The following ZNF354A variants were observed in gnomAD, a reference collection of about 807,000 sequenced individuals.
ZNF354A encodes the protein epididymis luminal protein 104.
In ZNF354A, 25 loss-of-function variants were observed where a neutral mutation model predicts 53.3. That is an observed-to-expected ratio of 0.47 (90% CI 0.34 to 0.66). ZNF354A has a LOEUF of 0.66. ZNF354A is among the 30% of genes least tolerant of loss of function. ZNF354A has a pLI of 0.01. For missense variants in ZNF354A, 586 were observed against 716.8 expected (o/e 0.82, Z 2.08); for synonymous variants, 228 against 249.0 (o/e 0.92, Z 0.79).
intron 4 of ZNF354A, among the ~76,000 whole-genome samples, chr5:178,722,965 C>G (rs568850316): frequency 4.6e-5 from 7 of 152,262 alleles, no homozygotes; most frequent in South Asian, 4.1e-4. Context: ...CAGTCCCAGA[C>G]AGAAAAAGCA....
chr5:178,713,150 TTAAA>T lies in ZNF354A; in HGVS notation c.724_727del (p.Phe242SerfsTer20). ...AAAGGCTTTTGAACATTCTTTACAC[TTAAA>T]TAGTTTCTCTCCACTATGGTTTTTC... On this transcript the variant is annotated frameshift_variant, in exon 5 of 5. Coordinates refer to ENST00000335815, the MANE Select transcript of ZNF354A (RefSeq NM_005649.3). LOFTEE classifies it high-confidence loss of function. 1.2e-6 allele frequency: 2 copies of T among 1,614,158 alleles called. No homozygotes were observed. Among genetic ancestry groups the T allele is most frequent in the Non-Finnish European group, 1.7e-6 (2 of 1,180,020 alleles).
At position 178,729,896 on chromosome 5, in the gene ZNF354A, G is replaced by A. The variant is rs1378071701; in HGVS notation, c.-52+660C>T. ...TGTTTCTTTTTTGAGACGGAGTCTCGCTCTGTCGCTCAGGCTGGAGTGCAG... is the reference window on the plus strand; with the variant it reads ...TGTTTCTTTTTTGAGACGGAGTCTCACTCTGTCGCTCAGGCTGGAGTGCAG... On this transcript the variant is annotated intron_variant, in intron 1 of 4. Coordinates refer to ENST00000335815, the MANE Select transcript of ZNF354A (RefSeq NM_005649.3). Among the ~76,000 whole-genome samples the A allele has an allele frequency of 4.1e-5, 4 of 97,430 alleles. No homozygotes were observed. The East Asian group carries it at 8.6e-4, about 21-fold the overall frequency. 63.9% of individuals were successfully genotyped at this position (97,430 alleles called of 152,430 possible).
chr5:178,712,721 T>G lies in ZNF354A; in HGVS notation c.1157A>C (p.Glu386Ala). 1 of 1,613,754 alleles carries G rather than the reference T, an allele frequency of 6.2e-7. No individual in the cohort carries two copies. The highest frequency in any genetic ancestry group is 8.5e-7 in the Non-Finnish European group (1 of 1,179,668). ...ACTCTGGCTGAAGGCTCTCCCACAT[T>G]CACTACATTTAAAAGGCTTCTCTCC... ...HTGEKPFKCS[E>A]CGRAFSQSAS... Residue 386 changes from glutamate to alanine, a missense_variant, in exon 5 of 5, where the codon GAA becomes GCA. Coordinates refer to ENST00000335815, the MANE Select transcript of ZNF354A (RefSeq NM_005649.3).
In ZNF354A at chr5:178,725,424, C is replaced by G; in HGVS notation, c.208G>C (p.Glu70Gln). ...TCTTTCTCCACCTCCCAGGGATCTTCTCCTTGCTGCAACAGGGAGATCACT... is the reference window on the plus strand; with the variant it reads ...TCTTTCTCCACCTCCCAGGGATCTTGTCCTTGCTGCAACAGGGAGATCACT... ...PKVISLLQQGEDPWEVEKDGS... is the reference protein window; with the variant it reads ...PKVISLLQQGQDPWEVEKDGS... Residue 70 changes from glutamate (E) to glutamine (Q), a missense_variant, in exon 4 of 5, where the codon GAA (glutamate) becomes CAA (glutamine). This residue lies in a region of ZNF354A where 573 missense variants were observed against 680.1 expected (regional missense o/e 0.84). Coordinates refer to ENST00000335815, the MANE Select transcript of ZNF354A (RefSeq NM_005649.3). The G allele has an allele frequency of 1.2e-6, 2 of 1,614,226 alleles. No individual in the cohort carries two copies. The highest frequency in any genetic ancestry group is 1.7e-6 in the Non-Finnish European group (2 of 1,180,038).
Position 178,727,141 on chromosome 5 carries a change from G to A in ZNF354A, c.34-16C>T, listed in dbSNP as rs147495731. The A allele has an allele frequency of 9.1e-5, 147 of 1,607,438 alleles. No individual in the cohort carries two copies. The highest frequency in any genetic ancestry group is 5.4e-4 in the Admixed American group (32 of 59,078). On this transcript the variant is annotated splice_polypyrimidine_tract_variant and intron_variant, in intron 2 of 4. Transcript: ENST00000335815. Reference sequence around the variant, plus strand: ...TCAGTGACACCTGTAAGGACAAGTCGTTCCAGCTCACCCAGGACCACCCTC... The same window carrying A: ...TCAGTGACACCTGTAAGGACAAGTCATTCCAGCTCACCCAGGACCACCCTC...
intron 4 of ZNF354A, among the ~76,000 whole-genome samples, chr5:178,723,383 T>TA (rs1645224112): frequency 6.6e-6 from 1 of 152,202 alleles, no homozygotes; most frequent in African/African-American, 2.4e-5. Context: ...CTGGGCTACT[T>TA]ACGGCTCCTC....
In ZNF354A at chr5:178,725,428, TTGC is replaced by T; in HGVS notation, c.201_203del (p.Gln68del). ...TCTCCACCTCCCAGGGATCTTCTCC[TTGC>T]TGCAACAGGGAGATCACTTTTGGTT... is the stretch of plus-strand genomic sequence containing the variant. On this transcript the variant is annotated inframe_deletion, in exon 4 of 5. Coordinates refer to ENST00000335815, the MANE Select transcript of ZNF354A (RefSeq NM_005649.3). The T allele has an allele frequency of 6.2e-7, 1 of 1,614,230 alleles. No homozygotes were observed. Among genetic ancestry groups the T allele is most frequent in the Non-Finnish European group, 8.5e-7 (1 of 1,180,032 alleles).
chr5:178,718,670 A>C lies in ZNF354A; in HGVS notation c.257-5049T>G, dbSNP rs192215992. Among the ~76,000 whole-genome samples the C allele has an allele frequency of 1.7e-3, 263 of 152,240 alleles. 1 individual carries two copies. Among genetic ancestry groups the C allele is most frequent in the African/African-American group, 6.0e-3 (248 of 41,522 alleles). Reference sequence around the variant, plus strand: ...AATGACACCATCATCTCTTCAGTTAATTTACCGTAAATTCTTAGTTTTATC... The same window carrying C: ...AATGACACCATCATCTCTTCAGTTACTTTACCGTAAATTCTTAGTTTTATC... On this transcript the variant is annotated intron_variant, in intron 4 of 4. Coordinates refer to ENST00000335815, the MANE Select transcript of ZNF354A (RefSeq NM_005649.3).
chr5:178,720,270 C>T (rs1394753622), intron 4 of ZNF354A, among the ~76,000 whole-genome samples: 2 of 152,202 alleles, frequency 1.3e-5, no homozygotes, highest in Non-Finnish European at 2.9e-5. Context: ...ATGGGCTGAA[C>T]CGCATCATTC....
At chr5:178,717,675 A>G (rs1765739881) in intron 4 of ZNF354A, among the ~76,000 whole-genome samples, 1 of 152,150 alleles carries the variant, frequency 6.6e-6, no homozygotes, top group African/African-American at 2.4e-5. Context: ...AGCTATAGAC[A>G]GGCATTTGGG....
intron 4 of ZNF354A, among the ~76,000 whole-genome samples, chr5:178,718,857 T>C (rs1421882649): frequency 1.3e-5 from 2 of 152,184 alleles, no homozygotes; most frequent in Admixed American, 6.5e-5. Context: ...CTCAGCCTCC[T>C]GAGCAGCAGG....
chr5:178,712,966 A>G lies in ZNF354A; in HGVS notation c.912T>C (p.Gly304=). 6.2e-7 allele frequency: 1 copy of G among 1,614,124 alleles called. No individual in the cohort carries two copies. The highest frequency in any genetic ancestry group is 8.5e-7 in the Non-Finnish European group (1 of 1,180,006). ...VEKSYRCKEC[G]KSFSRRSGLF... is the part of the protein sequence containing the mutation. ...GGCCTGACCTTCGGCTGAAGGATTT[A>G]CCACATTCTTTACATCTGTAGGATT... Residue 304 remains glycine (G), a synonymous_variant, in exon 5 of 5, where the codon GGT becomes GGC. Coordinates refer to ENST00000335815, the MANE Select transcript of ZNF354A (RefSeq NM_005649.3).
chr5:178,727,972 T>C (rs1581750873), intron 2 of ZNF354A, among the ~76,000 whole-genome samples: 1 of 152,282 alleles, frequency 6.6e-6, no homozygotes, highest in East Asian at 1.9e-4. Flanking sequence ...TGCCTCGGCC[T>C]CCTGAGTAGG....
intron 4 of ZNF354A, among the ~76,000 whole-genome samples, chr5:178,723,495 G>A (rs138266749): frequency 1.3e-5 from 2 of 152,312 alleles, no homozygotes; most frequent in Non-Finnish European, 2.9e-5. Context: ...TGCTTCTCTG[G>A]ACCTTCATGA....
intron 4 of ZNF354A, among the ~76,000 whole-genome samples, chr5:178,714,287 G>A (rs1378727561): frequency 1.3e-5 from 2 of 152,036 alleles, no homozygotes; most frequent in Admixed American, 6.6e-5. Context: ...TTACAGGCAT[G>A]AGCCACTGTG....
At position 178,713,029 on chromosome 5, in the gene ZNF354A, T is replaced by C; in HGVS notation, c.849A>G (p.Thr283=). The C allele has an allele frequency of 6.2e-7, 1 of 1,614,176 alleles. No individual in the cohort carries two copies. The highest frequency in any genetic ancestry group is 1.1e-5 in the South Asian group (1 of 91,082). ...KECGKAFTLS[T]SLYKHLRTHT... ...GGGTTCTTAGATGTTTATAAAGGGATGTACTGAGAGTAAAGGCTTTCCCAC... is the reference window on the plus strand; with the variant it reads ...GGGTTCTTAGATGTTTATAAAGGGACGTACTGAGAGTAAAGGCTTTCCCAC... The change falls in exon 5 of 5, where the codon ACA becomes ACG. Residue 283 remains threonine, a synonymous_variant. Coordinates refer to ENST00000335815, the MANE Select transcript of ZNF354A (RefSeq NM_005649.3).
chr5:178,719,287 T>A (rs533904399), intron 4 of ZNF354A, among the ~76,000 whole-genome samples: 1 of 152,320 alleles, frequency 6.6e-6, no homozygotes, highest in East Asian at 1.9e-4. Context: ...CTTCAGAGAG[T>A]TTATAGTCAG....
chr5:178,713,699 A>T, intron 4 of ZNF354A, 78 bp from the exon 5 acceptor site: 1 of 1,457,954 alleles, frequency 6.9e-7, no homozygotes, highest in Non-Finnish European at 9.0e-7. Context: ...GTGTAGAAGG[A>T]ATAAATATTG....
chr5:178,728,476 C>A (rs1765955239), intron 2 of ZNF354A, among the ~76,000 whole-genome samples: 1 of 152,000 alleles, frequency 6.6e-6, no homozygotes, highest in Admixed American at 6.5e-5. Context: ...CACACACACA[C>A]AAATAAATGT....
Sources: gnomAD v4.1 joint callset for allele counts (sites outside exome capture counted in the v4.1 genomes callset) on GRCh38, gnomAD v4.1.1 for gene constraint, gnomAD v4.1.1 regional missense constraint, MANE v1.5 for transcripts, NCBI Gene and HGNC (gene_info 2026-07-23, HGNC 2026-07-21) for gene names.